MREG: variants seen among roughly 807,000 people sequenced by gnomAD.
The protein encoded by MREG is dilute suppressor protein homolog.
Under a neutral mutation model 28.5 loss-of-function variants are expected in MREG, and 31 were observed. The ratio of observed to expected loss-of-function variants is 1.09; its 90% CI spans 0.82 to 1.47. MREG has a LOEUF of 1.47. Ranked by LOEUF, MREG falls within the 40% of genes most tolerant of loss-of-function variation. The probability of loss-of-function intolerance (pLI) is 0.00; values close to 1 mark genes in which losing one functional copy is unlikely to be tolerated. For missense variants in MREG, 256 were observed against 257.4 expected, an observed-to-expected ratio of 0.99 and a Z score of 0.04; for synonymous variants, 106 against 95.2, an observed-to-expected ratio of 1.11 and a Z score of -0.66.
intron 2 of MREG, among the ~76,000 whole-genome samples, chr2:215,961,512 G>A (rs906311296): frequency 1.3e-5 from 2 of 151,898 alleles, no homozygotes; most frequent in African/African-American, 2.4e-5. Flanking sequence ...CGCAACCTCC[G>A]TCTCCCGGGT....
intron 2 of MREG, 45 bp from the exon 3 acceptor site, chr2:215,947,158 A>G: frequency 7.8e-7 from 1 of 1,286,918 alleles, no homozygotes; most frequent in Non-Finnish European, 1.1e-6. Flanking sequence ...CCCTTGGCTT[A>G]AACCTCTATC....
chr2:215,996,171 G>A (rs1048954275), intron 2 of MREG, 135 bp downstream of exon 2: 1 of 926,220 alleles, frequency 1.1e-6, no homozygotes, highest in Non-Finnish European at 1.6e-6. Context: ...AATATATGCT[G>A]CTAAAATACC....
chr2:215,984,040 A>G (rs1273935948), intron 2 of MREG, among the ~76,000 whole-genome samples: 2 of 152,208 alleles, frequency 1.3e-5, no homozygotes, highest in African/African-American at 4.8e-5. Flanking sequence ...TTTACAAAAG[A>G]AAGAGGTTTA....
intron 2 of MREG, among the ~76,000 whole-genome samples, chr2:215,950,705 G>C (rs1692459504): frequency 6.6e-6 from 1 of 152,128 alleles, no homozygotes; most frequent in African/African-American, 2.4e-5. Context: ...GCATTGACAG[G>C]GTTTTAACTA....
intron 2 of MREG, among the ~76,000 whole-genome samples, chr2:215,958,195 A>G (rs1277796991): frequency 4.6e-5 from 7 of 151,146 alleles, no homozygotes; most frequent in Admixed American, 2.0e-4. Context: ...AACATGGCAC[A>G]TGTATACATA....
chr2:215,999,652 G>A (rs1484065204), intron 1 of MREG, among the ~76,000 whole-genome samples: 1 of 152,230 alleles, frequency 6.6e-6, no homozygotes, highest in Non-Finnish European at 1.5e-5. Context: ...AAGTAAGCGA[G>A]GTTGAGAGCG....
chr2:216,023,249 A>G (rs974559335), intron 1 of MREG, among the ~76,000 whole-genome samples: 5 of 152,236 alleles, frequency 3.3e-5, no homozygotes, highest in African/African-American at 1.2e-4. Flanking sequence ...CCTGGCATCC[A>G]ATTGTAAATT....
At position 215,996,448 on chromosome 2, in the gene MREG, G is replaced by C; in HGVS notation, c.113C>G (p.Ser38Cys). The C allele has an allele frequency of 6.2e-7, 1 of 1,612,144 alleles. No homozygotes were observed. Among genetic ancestry groups the C allele is most frequent in the African/African-American group, 1.3e-5 (1 of 74,952 alleles). Residue 38 changes from serine (S) to cysteine (C), a missense_variant, in exon 2 of 5, where the codon TCC becomes TGC. Transcript: ENST00000263268. Reference protein sequence around the residue: ...EPLVSDNNPYSSFGATLVRDD... With the variant: ...EPLVSDNNPYCSFGATLVRDD... ...CCTCACCAGAGTTGCTCCAAATGAG[G>C]AATATGGATTGTTATCACTGTTGTA...
Position 215,944,761 on chromosome 2 carries a change from G to T in MREG, c.*102C>A, listed in dbSNP as rs1378880887. On this transcript the variant is annotated 3_prime_UTR_variant, in exon 5 of 5. Coordinates refer to ENST00000263268, the MANE Select transcript of MREG (RefSeq NM_018000.3). ...AGAATTCAGTATCATTTTTCACTAA[G>T]CAAACTCTATTTGCTCACTCTCTTC... 15 of 1,222,640 alleles carry T rather than the reference G, an allele frequency of 1.2e-5. No individual in the cohort carries two copies. The Admixed American group carries it at 3.6e-4, about 30-fold the overall frequency. 75.7% of individuals were successfully genotyped at this position (1,222,640 alleles called of 1,614,324 possible). A position where few individuals can be genotyped will look rare whatever the true frequency, so the allele number is the denominator to read the frequency against.
intron 2 of MREG, among the ~76,000 whole-genome samples, chr2:215,960,788 C>T (rs1692761744): frequency 6.6e-6 from 1 of 151,894 alleles, no homozygotes; most frequent in South Asian, 2.1e-4. Flanking sequence ...GAGTTGAGAT[C>T]GGGCCACTGC....
chr2:215,996,514 T>C (rs566954728), intron 1 of MREG, 49 bp from the exon 2 acceptor site: 25 of 1,406,468 alleles, frequency 1.8e-5, no homozygotes, highest in Middle Eastern at 3.6e-4. Context: ...ATACATAAAA[T>C]GTTATATGTC....
chr2:215,996,993 C>G (rs1463037344), intron 1 of MREG, among the ~76,000 whole-genome samples: 1 of 152,166 alleles, frequency 6.6e-6, no homozygotes, highest in African/African-American at 2.4e-5. Context: ...GTTGGTCAGG[C>G]TGGTCTTGAA....
At chr2:215,960,756 C>T (rs1424832524) in intron 2 of MREG, among the ~76,000 whole-genome samples, 1 of 152,068 alleles carries the variant, frequency 6.6e-6, no homozygotes, top group Non-Finnish European at 1.5e-5. Flanking sequence ...ATGGCGTGAA[C>T]CTGGAAGGCA....
intron 2 of MREG, among the ~76,000 whole-genome samples, chr2:215,960,640 T>G (rs1444752626): frequency 1.3e-5 from 2 of 151,780 alleles, no homozygotes; most frequent in East Asian, 2.0e-4. Context: ...TCGAGACCAT[T>G]CTGGCTAACA....
rs367757909 is a variant in MREG at position 215,996,460 on chromosome 2, T to C, written c.101A>G (p.Asn34Ser). The change falls in exon 2 of 5, where the codon AAC becomes AGC. Residue 34 changes from asparagine (N) to serine (S), a missense_variant. Transcript: ENST00000263268. ...TGCTCCAAATGAGGAATATGGATTG[T>C]TATCACTGTTGTATAAAAAAAGGAA... ...LPEKEPLVSDNNPYSSFGATL... is the reference protein window; with the variant it reads ...LPEKEPLVSDSNPYSSFGATL... 3.8e-5 allele frequency: 61 copies of C among 1,608,426 alleles called. No individual in the cohort carries two copies. Among genetic ancestry groups the C allele is most frequent in the Non-Finnish European group, 4.8e-5 (57 of 1,177,950 alleles).
rs1238570911 is a variant in MREG at position 215,943,989 on chromosome 2, T to TC, written c.*873_*874insG. On this transcript the variant is annotated 3_prime_UTR_variant, in exon 5 of 5. Coordinates refer to ENST00000263268, the MANE Select transcript of MREG (RefSeq NM_018000.3). ...ATAACTCTTTTTTTTTTTTTTTTTT[T>TC]TTTTTTTTGAGACGGAGTCTCGCTC... 1 of 118,482 alleles carries TC rather than the reference T, an allele frequency of 8.4e-6. No individual in the cohort carries two copies. The highest frequency in any genetic ancestry group is 1.8e-5 in the Non-Finnish European group (1 of 56,182). 7.3% of individuals were successfully genotyped at this position (118,482 alleles called of 1,614,324 possible). A position where few individuals can be genotyped will look rare whatever the true frequency, so the allele number is the denominator to read the frequency against.
intron 1 of MREG, among the ~76,000 whole-genome samples, chr2:215,998,320 A>AAATAATAAT (rs961263080): frequency 3.6e-5 from 5 of 138,900 alleles, no homozygotes; most frequent in African/African-American, 1.4e-4. Context: ...AAAAAAAAAA[A>AAATAATAAT]AATAATAATA....
At chr2:216,006,757 C>T (rs3770564) in intron 1 of MREG, among the ~76,000 whole-genome samples, 129,010 of 152,270 alleles carry the variant, frequency 0.85, 54,692 homozygotes, top group East Asian at 0.96. Flanking sequence ...GAGTCCACAC[C>T]GTAAAATGAA....
chr2:216,009,155 G>C (rs913695369), intron 1 of MREG, among the ~76,000 whole-genome samples: 7 of 151,776 alleles, frequency 4.6e-5, no homozygotes, highest in African/African-American at 1.7e-4. Flanking sequence ...ACATAACTTT[G>C]TTTTATGTGT....
Sources: allele counts gnomAD v4.1 joint callset (sites outside exome capture counted in the v4.1 genomes callset), GRCh38; gene constraint gnomAD v4.1.1; transcripts MANE v1.5; gene names NCBI Gene and HGNC (gene_info 2026-07-23, HGNC 2026-07-21).